Variants in MAD1L1 observed in about 807,000 individuals in gnomAD.
The protein encoded by MAD1L1 is mitotic arrest deficient 1 like 1, also known as mitotic spindle assembly checkpoint protein MAD1.
In MAD1L1, 95 loss-of-function variants were observed where a neutral mutation model predicts 96.9. The observed-to-expected ratio is 0.98, with a 90% CI of 0.83 to 1.16. The LOEUF is 1.16. Among genes scored for constraint, MAD1L1 ranks in the 50% most tolerant of loss-of-function variants. The pLI, the probability that MAD1L1 is intolerant of heterozygous loss-of-function variation, is 0.00. For synonymous variants in MAD1L1, 473 were observed against 396.6 expected (o/e 1.19, Z -2.29); for missense variants, 1,007 against 954.4 (o/e 1.06, Z -0.73).
At chr7:1,886,582 T>C (rs1227215772) in intron 18 of MAD1L1, among the ~76,000 whole-genome samples, 1 of 152,192 alleles carries the variant, frequency 6.6e-6, no homozygotes, top group Non-Finnish European at 1.5e-5. Context: ...CACCACACTG[T>C]GTCTGCAAAC....
intron 18 of MAD1L1, among the ~76,000 whole-genome samples, chr7:1,827,197 G>A (rs1055128598): frequency 5.3e-5 from 8 of 152,356 alleles, no homozygotes; most frequent in East Asian, 1.9e-4. Flanking sequence ...GAGGTGGCGG[G>A]GATGGAGAAG....
intron 18 of MAD1L1, among the ~76,000 whole-genome samples, chr7:1,839,045 C>T (rs969883313): frequency 1.1e-4 from 17 of 152,188 alleles, no homozygotes; most frequent in Admixed American, 7.9e-4. Context: ...CTTGGCCAAC[C>T]GCGGCGGGTC....
intron 17 of MAD1L1, among the ~76,000 whole-genome samples, chr7:1,928,897 G>A (rs1022289399): frequency 1.3e-5 from 2 of 152,188 alleles, no homozygotes; most frequent in African/African-American, 4.8e-5. Flanking sequence ...CAGCCATTAG[G>A]GCACCTCACT....
intron 11 of MAD1L1, among the ~76,000 whole-genome samples, chr7:2,102,610 C>T (rs368863144): frequency 6.6e-6 from 1 of 152,040 alleles, no homozygotes; most frequent in East Asian, 1.9e-4. Flanking sequence ...ATCGGTGACA[C>T]CACGGTCTCC....
intron 18 of MAD1L1, among the ~76,000 whole-genome samples, chr7:1,866,453 C>T (rs1327672067): frequency 1.2e-5 from 1 of 85,198 alleles, no homozygotes; most frequent in Non-Finnish European, 2.2e-5. Context: ...GAACAAAGGG[C>T]TGAAGCAAGA....
chr7:1,816,101 A>C lies in MAD1L1; in HGVS notation c.2126T>G (p.Leu709Arg). The change falls in exon 19 of 19, where the codon CTC becomes CGC. Residue 709 changes from leucine to arginine, a missense_variant. Coordinates refer to ENST00000265854, the MANE Select transcript of MAD1L1 (RefSeq NM_001013836.2). ...CACGGTCTGGCGGCTGAAGAGCTCG[A>C]GGGTGAGCGAGCTGAGGAAGGCAGG... ...SIPAFLSSLTLELFSRQTVA is the reference protein window; with the variant it reads ...SIPAFLSSLTRELFSRQTVA 2 of 1,612,328 alleles carry C rather than the reference A, an allele frequency of 1.2e-6. No individual in the cohort carries two copies. The highest frequency in any genetic ancestry group is 2.2e-5 in the South Asian group (2 of 91,010).
At chr7:2,036,942 T>C (rs1433286017) in intron 12 of MAD1L1, among the ~76,000 whole-genome samples, 1 of 151,534 alleles carries the variant, frequency 6.6e-6, no homozygotes, top group East Asian at 1.9e-4. Context: ...TCCTGAACAC[T>C]CCTCCCAGGG....
At chr7:2,164,888 A>C (rs1790349719) in intron 10 of MAD1L1, among the ~76,000 whole-genome samples, 1 of 152,166 alleles carries the variant, frequency 6.6e-6, no homozygotes, top group South Asian at 2.1e-4. Context: ...CAAGGCCCAG[A>C]GGAGGTGACA....
intron 14 of MAD1L1, among the ~76,000 whole-genome samples, chr7:1,996,304 AGGG>A (rs1781558805): frequency 1.1e-5 from 1 of 91,126 alleles, no homozygotes; most frequent in Non-Finnish European, 2.2e-5. Context: ...CTGGGCGGGC[AGGG>A]TCCCCCCGGG....
chr7:2,180,106 T>C (rs370427387), intron 10 of MAD1L1, among the ~76,000 whole-genome samples: 3 of 152,146 alleles, frequency 2.0e-5, no homozygotes, highest in East Asian at 3.9e-4. Flanking sequence ...GTGACAGCAG[T>C]GGCAAACAAA....
At chr7:2,086,079 G>A (rs1785906018) in intron 11 of MAD1L1, among the ~76,000 whole-genome samples, 1 of 152,180 alleles carries the variant, frequency 6.6e-6, no homozygotes, top group Non-Finnish European at 1.5e-5. Context: ...ACGCTGCGGG[G>A]GAGGACGGCA....
chr7:1,881,950 G>C (rs915415437), intron 18 of MAD1L1, among the ~76,000 whole-genome samples: 1 of 152,256 alleles, frequency 6.6e-6, no homozygotes, highest in African/African-American at 2.4e-5. Context: ...CGGTAGAAGG[G>C]TGATCTGAGC....
At position 2,000,853 on chromosome 7, in the gene MAD1L1, G is replaced by A. The variant is rs540598801; in HGVS notation, c.1416+1212C>T. ...GCAGATGCCAGCTCTGCCCAGACCC[G>A]CGCGGTGCCCTGCTGTTGCCTCTCT... On this transcript the variant is annotated intron_variant, in intron 14 of 18. Coordinates refer to ENST00000265854, the MANE Select transcript of MAD1L1 (RefSeq NM_001013836.2). 7.6e-4 allele frequency among the ~76,000 whole-genome samples: 115 copies of A among 152,272 alleles called. 1 individual carries two copies. Among genetic ancestry groups the A allele is most frequent in the African/African-American group, 2.5e-3 (105 of 41,542 alleles).
At chr7:2,089,078 G>A (rs569960704) in intron 11 of MAD1L1, 43 of 152,418 alleles carry the variant, frequency 2.8e-4, no homozygotes, top group Admixed American at 2.5e-3. Flanking sequence ...CAGGGAGAGC[G>A]GCTCACACGG....
intron 10 of MAD1L1, among the ~76,000 whole-genome samples, chr7:2,198,539 A>T (rs1052706790): frequency 1.3e-5 from 2 of 152,182 alleles, no homozygotes; most frequent in African/African-American, 4.8e-5. Context: ...ATGGCCGTCC[A>T]CCCGGGACAG....
At chr7:2,227,837 A>T (rs1053225618) in intron 3 of MAD1L1, among the ~76,000 whole-genome samples, 1 of 152,194 alleles carries the variant, frequency 6.6e-6, no homozygotes, top group Non-Finnish European at 1.5e-5. Flanking sequence ...ACCGGCAGGG[A>T]CCAGGAGTCC....
intron 15 of MAD1L1, among the ~76,000 whole-genome samples, chr7:1,958,116 C>T (rs1441500713): frequency 1.3e-5 from 2 of 152,228 alleles, no homozygotes; most frequent in Non-Finnish European, 1.5e-5. Context: ...AAAGCAACCT[C>T]GGGACATCTT....
chr7:2,109,954 C>T, intron 11 of MAD1L1, among the ~76,000 whole-genome samples: 1 of 152,186 alleles, frequency 6.6e-6, no homozygotes, highest in African/African-American at 2.4e-5. Context: ...GAGGTCAGGC[C>T]ACTAGTAAGG....
chr7:2,060,959 G>C lies in MAD1L1; in HGVS notation c.1218+8235C>G, dbSNP rs376770465. Among the ~76,000 whole-genome samples the C allele has an allele frequency of 2.6e-5, 4 of 152,206 alleles. No individual in the cohort carries two copies. In the South Asian group the frequency reaches 8.3e-4, roughly 32 times the overall value. ...AGTGAAAAAGCAAACCACAGGCTAC[G>C]AGAAGATAACTAAATACGTTTCAAC... On this transcript the variant is annotated intron_variant, in intron 12 of 18. Coordinates refer to ENST00000265854, the MANE Select transcript of MAD1L1 (RefSeq NM_001013836.2).
Sources: allele counts gnomAD v4.1 joint callset (sites outside exome capture counted in the v4.1 genomes callset), GRCh38; gene constraint gnomAD v4.1.1; transcripts MANE v1.5; gene names NCBI Gene and HGNC (gene_info 2026-07-23, HGNC 2026-07-21).